Variants in NALF1 observed in about 807,000 individuals in gnomAD.
NALF1 encodes family with sequence similarity 155 member A.
Under a neutral mutation model 48.4 loss-of-function variants are expected in NALF1, and 3 were observed. The observed-to-expected ratio is 0.06, with a 90% CI of 0.03 to 0.16. The LOEUF (loss-of-function observed/expected upper bound fraction) is 0.16, where lower values mean the gene tolerates loss of function less well. NALF1 is among the 10% of genes least tolerant of loss of function. The pLI is 1.00. For synonymous variants in NALF1, 262 were observed against 245.7 expected (o/e 1.07, Z -0.62); for missense variants, 526 against 571.5 (o/e 0.92, Z 0.81).
At chr13:107,250,102 T>TC (rs1555328631) in intron 1 of NALF1, among the ~76,000 whole-genome samples, 1 of 151,564 alleles carries the variant, frequency 6.6e-6, no homozygotes, top group Non-Finnish European at 1.5e-5. Context: ...TTTTTTTTTT[T>TC]CCCAAGTTCC....
Position 107,170,447 on chromosome 13 carries a change from C to A in NALF1, c.*50G>T. 6.5e-7 allele frequency: 1 copy of A among 1,549,902 alleles called. No homozygotes were observed. The highest frequency in any genetic ancestry group is 8.7e-7 in the Non-Finnish European group (1 of 1,146,104). ...TTTCTGTTACATGAGACAGCAGTTGCCATTTTTCACGGCGGGCCAGCTGCT... is the reference window on the plus strand; with the variant it reads ...TTTCTGTTACATGAGACAGCAGTTGACATTTTTCACGGCGGGCCAGCTGCT... On this transcript the variant is annotated 3_prime_UTR_variant, in exon 3 of 3. Coordinates refer to ENST00000375915, the MANE Select transcript of NALF1 (RefSeq NM_001080396.3).
At chr13:107,664,399 A>G (rs1201538489) in intron 1 of NALF1, among the ~76,000 whole-genome samples, 2 of 152,100 alleles carry the variant, frequency 1.3e-5, no homozygotes. Flanking sequence ...CACTCTTGCT[A>G]CGCTTTCCTC....
intron 1 of NALF1, among the ~76,000 whole-genome samples, chr13:107,833,390 GAA>G (rs1173829865): frequency 6.6e-6 from 1 of 152,146 alleles, no homozygotes; most frequent in Non-Finnish European, 1.5e-5. Flanking sequence ...TTCATGGGAT[GAA>G]AGTCACCTCC....
chr13:107,580,659 T>C (rs1467391554), intron 1 of NALF1, among the ~76,000 whole-genome samples: 1 of 152,228 alleles, frequency 6.6e-6, no homozygotes, highest in Admixed American at 6.5e-5. Flanking sequence ...GCTTGTGGCT[T>C]TATTTCTTGG....
At chr13:107,583,196 C>T (rs1206000992) in intron 1 of NALF1, among the ~76,000 whole-genome samples, 1 of 151,800 alleles carries the variant, frequency 6.6e-6, no homozygotes, top group Non-Finnish European at 1.5e-5. Context: ...TAACATTATG[C>T]TATTTATGAA....
At chr13:107,358,071 CAT>C (rs750679314) in intron 1 of NALF1, among the ~76,000 whole-genome samples, 61 of 151,984 alleles carry the variant, frequency 4.0e-4, no homozygotes, top group Non-Finnish European at 5.6e-4. Flanking sequence ...TTTATATACG[CAT>C]ATATATATGT....
At chr13:107,863,391 A>T (rs1880630170) in intron 1 of NALF1, among the ~76,000 whole-genome samples, 1 of 152,164 alleles carries the variant, frequency 6.6e-6, no homozygotes, top group African/African-American at 2.4e-5. Context: ...TAACCAATTG[A>T]TTTGTGAGTC....
At chr13:107,778,595 CTGTT>C (rs1877803212) in intron 1 of NALF1, among the ~76,000 whole-genome samples, 1 of 151,268 alleles carries the variant, frequency 6.6e-6, no homozygotes, top group Non-Finnish European at 1.5e-5. Context: ...TGTTTTTTTT[CTGTT>C]TTTTTGTTTG....
intron 1 of NALF1, among the ~76,000 whole-genome samples, chr13:107,765,071 G>A (rs1877385581): frequency 6.6e-6 from 1 of 152,114 alleles, no homozygotes; most frequent in Admixed American, 6.6e-5. Flanking sequence ...ACGTCTAGTA[G>A]ATATATTTGT....
intron 1 of NALF1, among the ~76,000 whole-genome samples, chr13:107,553,852 AG>A (rs1425251703): frequency 1.3e-5 from 2 of 152,154 alleles, no homozygotes; most frequent in African/African-American, 4.8e-5. Flanking sequence ...TTTGCCTCTC[AG>A]GGTTCATGTT....
At chr13:107,290,558 G>A (rs570435334) in intron 1 of NALF1, among the ~76,000 whole-genome samples, 15 of 152,092 alleles carry the variant, frequency 9.9e-5, no homozygotes, top group Non-Finnish European at 1.9e-4. Flanking sequence ...TGTAGGATGC[G>A]CCTTTCACCT....
intron 1 of NALF1, among the ~76,000 whole-genome samples, chr13:107,539,391 TTGAAGA>T (rs1876933845): frequency 6.6e-6 from 1 of 151,034 alleles, no homozygotes; most frequent in South Asian, 2.1e-4. Flanking sequence ...CATGAATCCA[TTGAAGA>T]GGGCTCTGCC....
chr13:107,647,993 T>C (rs1880354654), intron 1 of NALF1, among the ~76,000 whole-genome samples: 1 of 152,164 alleles, frequency 6.6e-6, no homozygotes, highest in Non-Finnish European at 1.5e-5. Flanking sequence ...TTATGTGTAT[T>C]ACAAAAAGCT....
chr13:107,631,413 A>C (rs999088461), intron 1 of NALF1, among the ~76,000 whole-genome samples: 5 of 152,168 alleles, frequency 3.3e-5, no homozygotes, highest in Non-Finnish European at 5.9e-5. Flanking sequence ...CATATATTTT[A>C]AATGGGGAAA....
chr13:107,699,509 A>G (rs971576245), intron 1 of NALF1, among the ~76,000 whole-genome samples: 2 of 152,156 alleles, frequency 1.3e-5, no homozygotes, highest in African/African-American at 4.8e-5. Flanking sequence ...ATGTCAAGCA[A>G]GAACCCCCAC....
chr13:107,398,251 C>G (rs79219127), intron 1 of NALF1, among the ~76,000 whole-genome samples: 4,232 of 152,190 alleles, frequency 0.028, 88 homozygotes, highest in Non-Finnish European at 0.043. Context: ...ACCACAAAAG[C>G]TTAACATTGG....
At chr13:107,428,315 G>C (rs891998027) in intron 1 of NALF1, among the ~76,000 whole-genome samples, 1 of 152,156 alleles carries the variant, frequency 6.6e-6, no homozygotes, top group Non-Finnish European at 1.5e-5. Flanking sequence ...AGGTTGCACT[G>C]CTGCTGTAAA....
chr13:107,408,671 T>C lies in NALF1; in HGVS notation c.916-197916A>G, dbSNP rs145258023. Among the ~76,000 whole-genome samples, 768 of 152,258 alleles carry C rather than the reference T, an allele frequency of 5.0e-3. 2 individuals are homozygous for C. The highest frequency in any genetic ancestry group is 0.017 in the African/African-American group (716 of 41,560). ...TGACAGATGACAATCATCAGCTTAA[T>C]GAAAAGTCATGATCAGATTGGCTTC... On this transcript the variant is annotated intron_variant, in intron 1 of 2. Coordinates refer to ENST00000375915, the MANE Select transcript of NALF1 (RefSeq NM_001080396.3).
chr13:107,317,241 C>T (rs115816048), intron 1 of NALF1, among the ~76,000 whole-genome samples: 2,275 of 152,086 alleles, frequency 0.015, 64 homozygotes, highest in African/African-American at 0.052. Flanking sequence ...AAGAGTTAGA[C>T]GACCCATGCA....
Sources: allele counts gnomAD v4.1 joint callset (sites outside exome capture counted in the v4.1 genomes callset), GRCh38; gene constraint gnomAD v4.1.1; transcripts MANE v1.5; gene names NCBI Gene and HGNC (gene_info 2026-07-23, HGNC 2026-07-21).